Variants in ATG16L1 observed in about 807,000 individuals in gnomAD.
ATG16L1 encodes autophagy-related protein 16-1.
In ATG16L1, 37 loss-of-function variants were observed where a neutral mutation model predicts 88.5. The observed-to-expected ratio is 0.42, with a 90% CI of 0.32 to 0.55. ATG16L1 has a LOEUF of 0.55. Among genes scored for constraint, ATG16L1 ranks in the 20% least tolerant of loss-of-function variants. ATG16L1 has a pLI of 0.13. For missense variants in ATG16L1, 554 were observed against 752.8 expected, an observed-to-expected ratio of 0.74 and a Z score of 3.09; for synonymous variants, 301 against 281.0, an observed-to-expected ratio of 1.07 and a Z score of -0.71.
intron 6 of ATG16L1, among the ~76,000 whole-genome samples, chr2:233,271,217 A>G (rs1697966860): frequency 6.6e-6 from 1 of 152,234 alleles, no homozygotes; most frequent in African/African-American, 2.4e-5. Context: ...GCCCAAGATC[A>G]TACAGGAAGG....
intron 11 of ATG16L1, among the ~76,000 whole-genome samples, chr2:233,281,531 G>A (rs1012461951): frequency 6.6e-6 from 1 of 152,180 alleles, no homozygotes; most frequent in African/African-American, 2.4e-5. Context: ...ACTGCAAAGC[G>A]TTGTGCTGAG....
rs1696388345 is a variant in ATG16L1, at chr2:233,251,820, C to G, written c.-8C>G. Reference sequence around the variant, plus strand: ...TGGTGGCGCTGAGGTGCCGGGGCAGCAAGTGACATGTCGTCGGGCCTCCGC... The same window carrying G: ...TGGTGGCGCTGAGGTGCCGGGGCAGGAAGTGACATGTCGTCGGGCCTCCGC... On this transcript the variant is annotated 5_prime_UTR_variant, in exon 1 of 18. Coordinates refer to ENST00000392017, the MANE Select transcript of ATG16L1 (RefSeq NM_030803.7). The G allele has an allele frequency of 6.5e-7, 1 of 1,549,456 alleles. No homozygotes were observed. The highest frequency in any genetic ancestry group is 1.4e-5 in the African/African-American group (1 of 73,146).
chr2:233,293,138 G>A (rs1699575407), intron 16 of ATG16L1, 118 bp from the exon 17 acceptor site: 1 of 859,810 alleles, frequency 1.2e-6, no homozygotes. Context: ...CTGAGGTCTG[G>A]GTACACAGGA....
At chr2:233,291,717 C>CTGCAAGAGGCTAGAGT (rs1699475954) in intron 14 of ATG16L1, among the ~76,000 whole-genome samples, 1 of 152,204 alleles carries the variant, frequency 6.6e-6, no homozygotes, top group African/African-American at 2.4e-5. Flanking sequence ...GGCAGAAAAC[C>CTGCAAGAGGCTAGAGT]TGCAAGAGGC....
chr2:233,255,743 C>G (rs1261307277), intron 1 of ATG16L1, among the ~76,000 whole-genome samples: 1 of 152,150 alleles, frequency 6.6e-6, no homozygotes, highest in Non-Finnish European at 1.5e-5. Context: ...AATGTTAACT[C>G]CATGTTGGAG....
In ATG16L1 at chr2:233,282,949, T is replaced by C. The variant is rs531181830; in HGVS notation, c.1203+196T>C. ...TTGTCCAAAACTCAGTTTCAAAATA[T>C]TTGCAATGGGACCCTCACATTTGCA... On this transcript the variant is annotated intron_variant, in intron 12 of 17. Transcript: ENST00000392017. 11 of 541,756 alleles carry C rather than the reference T, an allele frequency of 2.0e-5. No homozygotes were observed. The East Asian group carries it at 2.9e-4, about 14-fold the overall frequency. 33.6% of individuals were successfully genotyped at this position (541,756 alleles called of 1,614,324 possible).
intron 10 of ATG16L1, among the ~76,000 whole-genome samples, chr2:233,279,530 A>G (rs546935090): frequency 6.6e-6 from 1 of 152,346 alleles, no homozygotes; most frequent in East Asian, 1.9e-4. Flanking sequence ...CAGCTGTTTC[A>G]GTCTACAAGA....
At chr2:233,286,251 C>A (rs924352213) in intron 12 of ATG16L1, among the ~76,000 whole-genome samples, 1 of 152,156 alleles carries the variant, frequency 6.6e-6, no homozygotes, top group Admixed American at 6.5e-5. Context: ...GGTCGGCACT[C>A]GTTATCTGCC....
At chr2:233,271,422 G>A (rs918410942) in intron 6 of ATG16L1, among the ~76,000 whole-genome samples, 2 of 152,218 alleles carry the variant, frequency 1.3e-5, no homozygotes, top group African/African-American at 4.8e-5. Context: ...GGGATTACAG[G>A]CATGCGCCAC....
chr2:233,256,547 A>T (rs77941120), intron 2 of ATG16L1, among the ~76,000 whole-genome samples: 106 of 152,014 alleles, frequency 7.0e-4, no homozygotes, highest in Non-Finnish European at 1.4e-3. Flanking sequence ...GTTTGTGTAG[A>T]TCCTGTTAAT....
intron 1 of ATG16L1, among the ~76,000 whole-genome samples, chr2:233,254,856 T>C (rs1482085760): frequency 6.6e-6 from 1 of 152,168 alleles, no homozygotes; most frequent in East Asian, 1.9e-4. Context: ...ACAGGAATAG[T>C]CACTAGCATA....
At chr2:233,274,549 TAGA>T (rs1363393614) in intron 8 of ATG16L1, 124 bp from the exon 9 acceptor site, 1 of 634,452 alleles carries the variant, frequency 1.6e-6, no homozygotes, top group Admixed American at 3.0e-5. Context: ...TTGAAGAATC[TAGA>T]AGGACAGGCT....
intron 5 of ATG16L1, among the ~76,000 whole-genome samples, chr2:233,268,318 A>T (rs1462317947): frequency 6.6e-6 from 1 of 152,164 alleles, no homozygotes; most frequent in Non-Finnish European, 1.5e-5. Flanking sequence ...AATTAGCTGG[A>T]TGTAGTGGCA....
At chr2:233,252,286 A>G (rs1447901862) in intron 1 of ATG16L1, among the ~76,000 whole-genome samples, 1 of 152,214 alleles carries the variant, frequency 6.6e-6, no homozygotes, top group Non-Finnish European at 1.5e-5. Flanking sequence ...GTTGACTTTC[A>G]GTCGCAGAAT....
At position 233,257,536 on chromosome 2, in the gene ATG16L1, T is replaced by C. The variant is rs112883714; in HGVS notation, c.209+1341T>C. On this transcript the variant is annotated intron_variant, in intron 2 of 17. Coordinates refer to ENST00000392017, the MANE Select transcript of ATG16L1 (RefSeq NM_030803.7). ...AGGCTAATGTAAGTGTAACCTATGA[T>C]ACTCAGTAGGTGAGATGTATTGAAT... 7.1e-3 allele frequency among the ~76,000 whole-genome samples: 1,075 copies of C among 152,328 alleles called. 20 individuals carry two copies. Among genetic ancestry groups the C allele is most frequent in the African/African-American group, 0.024 (1,005 of 41,562 alleles).
chr2:233,288,529 A>G (rs77498715), intron 12 of ATG16L1: 3,296 of 278,912 alleles, frequency 0.012, 34 homozygotes, highest in East Asian at 0.028. Flanking sequence ...CAATCCTCCC[A>G]CCTTGGCTTC....
chr2:233,260,758 C>T (rs1197622440), intron 2 of ATG16L1, among the ~76,000 whole-genome samples: 1 of 152,122 alleles, frequency 6.6e-6, no homozygotes, highest in African/African-American at 2.4e-5. Context: ...GAAGTTTAAG[C>T]ATCTAATCCT....
chr2:233,288,714 C>G (rs1699248012), intron 12 of ATG16L1: 1 of 514,232 alleles, frequency 1.9e-6, no homozygotes, highest in African/African-American at 1.9e-5. Flanking sequence ...GTCCTCAGAT[C>G]CCCTCCCGGC....
At chr2:233,262,820 A>G (rs1697310711) in intron 2 of ATG16L1, among the ~76,000 whole-genome samples, 2 of 152,172 alleles carry the variant, frequency 1.3e-5, no homozygotes, top group Non-Finnish European at 2.9e-5. Context: ...ATCGGCACTC[A>G]GGTCCTTGCT....
Sources: allele counts gnomAD v4.1 joint callset (sites outside exome capture counted in the v4.1 genomes callset), GRCh38; gene constraint gnomAD v4.1.1; transcripts MANE v1.5; gene names NCBI Gene and HGNC (gene_info 2026-07-23, HGNC 2026-07-21).